PCDHA3: variants seen among roughly 807,000 people sequenced by gnomAD.
PCDHA3 encodes protocadherin alpha-3.
A neutral mutation model predicts 62.2 loss-of-function variants in PCDHA3; 41 were observed. That is an observed-to-expected ratio of 0.66 (90% CI 0.51 to 0.86). The LOEUF (loss-of-function observed/expected upper bound fraction) is 0.86. Ranked by LOEUF, PCDHA3 falls within the 40% of genes least tolerant of loss-of-function variation. The pLI is 0.00. For missense variants in PCDHA3, 1,304 were observed against 1,241.2 expected, an observed-to-expected ratio of 1.05 and a Z score of -0.76; for synonymous variants, 640 against 555.4, an observed-to-expected ratio of 1.15 and a Z score of -2.14.
chr5:140,807,519 A>T (rs1763955362), intron 1 of PCDHA3: 2 of 1,614,094 alleles, frequency 1.2e-6, no homozygotes, highest in African/African-American at 2.7e-5. Flanking sequence ...GTGATCGTAG[A>T]CAGGCCGCTG....
chr5:140,924,293 C>T (rs2081770008), intron 1 of PCDHA3, among the ~76,000 whole-genome samples: 1 of 152,192 alleles, frequency 6.6e-6, no homozygotes, highest in African/African-American at 2.4e-5. Context: ...AATAGGCTGA[C>T]ATGTTTCCTC....
rs78358581 is a variant in PCDHA3 at position 140,924,264 on chromosome 5, T to G, written c.2395-54685T>G. 2.9e-3 allele frequency among the ~76,000 whole-genome samples: 442 copies of G among 152,342 alleles called. 1 individual carries two copies. Among genetic ancestry groups the G allele is most frequent in the African/African-American group, 0.01 (423 of 41,584 alleles). On this transcript the variant is annotated intron_variant, in intron 1 of 3. Coordinates refer to ENST00000522353, the MANE Select transcript of PCDHA3 (RefSeq NM_018906.3). Reference sequence around the variant, plus strand: ...TGCATCCTGGTGAGATCTAATGAGGTCTGTACTTGTGACTACCTAATAGGC... The same window carrying G: ...TGCATCCTGGTGAGATCTAATGAGGGCTGTACTTGTGACTACCTAATAGGC...
intron 2 of PCDHA3, 71 bp downstream of exon 2, chr5:140,979,078 A>C (rs2240296): frequency 3.8e-6 from 6 of 1,583,342 alleles, no homozygotes; most frequent in South Asian, 1.1e-5. Flanking sequence ...CTGCATCTCC[A>C]TAGGCCAGAA....
chr5:140,993,342 C>T (rs1554253606), intron 3 of PCDHA3, among the ~76,000 whole-genome samples: 1 of 151,994 alleles, frequency 6.6e-6, no homozygotes, highest in African/African-American at 2.4e-5. Flanking sequence ...TTGAAGGGCA[C>T]TACGAAGATC....
chr5:141,006,361 A>G (rs1384420854), intron 3 of PCDHA3, among the ~76,000 whole-genome samples: 3 of 151,846 alleles, frequency 2.0e-5, no homozygotes, highest in African/African-American at 7.3e-5. Context: ...ATAGGCGCCC[A>G]CCACCACGCC....
At chr5:140,973,328 C>T (rs1315251124) in intron 1 of PCDHA3, among the ~76,000 whole-genome samples, 1 of 152,114 alleles carries the variant, frequency 6.6e-6, no homozygotes, top group Non-Finnish European at 1.5e-5. Flanking sequence ...AGTTTACACT[C>T]GTTGTAAAGT....
chr5:140,849,809 G>C (rs147465571), intron 1 of PCDHA3: 14 of 1,598,384 alleles, frequency 8.8e-6, no homozygotes, highest in East Asian at 2.2e-5. Context: ...TGTGGGCCAC[G>C]GCCAGGGTGT....
At chr5:140,836,651 G>C in intron 1 of PCDHA3, 2 of 1,613,546 alleles carry the variant, frequency 1.2e-6, no homozygotes, top group Non-Finnish European at 1.7e-6. Context: ...AGAGGCGGCA[G>C]AGGGTGTGCT....
chr5:140,855,412 A>T (rs2043457321), intron 1 of PCDHA3, among the ~76,000 whole-genome samples: 1 of 149,990 alleles, frequency 6.7e-6, no homozygotes, highest in South Asian at 2.1e-4. Context: ...GAAGCTAATG[A>T]TCTCTAAATT....
intron 1 of PCDHA3, among the ~76,000 whole-genome samples, chr5:140,890,775 C>T (rs1583027889): frequency 1.3e-5 from 2 of 152,158 alleles, no homozygotes; most frequent in East Asian, 3.9e-4. Context: ...TTTAAAACCC[C>T]ATAAGATATT....
At chr5:140,949,371 C>G (rs932971788) in intron 1 of PCDHA3, among the ~76,000 whole-genome samples, 1 of 151,712 alleles carries the variant, frequency 6.6e-6, no homozygotes, top group African/African-American at 2.4e-5. Flanking sequence ...GTCTAGTTGT[C>G]CTATCAATTG....
At chr5:140,822,177 A>G (rs2150114373) in intron 1 of PCDHA3, 1 of 1,614,280 alleles carries the variant, frequency 6.2e-7, no homozygotes, top group East Asian at 2.2e-5. Flanking sequence ...GGTTCTCCAG[A>G]CAAGAACAAA....
At chr5:140,888,277 C>G (rs923275306) in intron 1 of PCDHA3, among the ~76,000 whole-genome samples, 1 of 151,972 alleles carries the variant, frequency 6.6e-6, no homozygotes, top group Non-Finnish European at 1.5e-5. Context: ...ACAGTTTTGT[C>G]CCCTCTACCC....
intron 2 of PCDHA3, among the ~76,000 whole-genome samples, chr5:140,979,710 A>C (rs1178718053): frequency 1.3e-5 from 2 of 152,268 alleles, no homozygotes; most frequent in African/African-American, 4.8e-5. Flanking sequence ...GAGGTGATCC[A>C]GTATCCATGC....
intron 1 of PCDHA3, among the ~76,000 whole-genome samples, chr5:140,962,257 A>C (rs915555866): frequency 6.6e-6 from 1 of 152,174 alleles, no homozygotes; most frequent in Admixed American, 6.5e-5. Context: ...AATGAAAAAT[A>C]ATTTTATAAT....
chr5:140,941,169 C>T (rs1283079666), intron 1 of PCDHA3, among the ~76,000 whole-genome samples: 1 of 145,950 alleles, frequency 6.9e-6, no homozygotes, highest in Admixed American at 6.9e-5. Flanking sequence ...GACTCCCCAT[C>T]TTGAACATCC....
chr5:140,942,590 A>G (rs868979857), intron 1 of PCDHA3, among the ~76,000 whole-genome samples: 1 of 148,658 alleles, frequency 6.7e-6, no homozygotes, highest in Admixed American at 6.8e-5. Context: ...GATGTCACAT[A>G]TAATTATAGT....
At chr5:140,846,383 T>C (rs1416297479) in intron 1 of PCDHA3, among the ~76,000 whole-genome samples, 1 of 137,386 alleles carries the variant, frequency 7.3e-6, no homozygotes, top group African/African-American at 2.6e-5. Flanking sequence ...CTTTTTTTTT[T>C]TTTTTTTTTG....
At chr5:140,996,094 T>C (rs1428375932) in intron 3 of PCDHA3, among the ~76,000 whole-genome samples, 1 of 152,192 alleles carries the variant, frequency 6.6e-6, no homozygotes, top group Non-Finnish European at 1.5e-5. Flanking sequence ...CTAGATTACA[T>C]GGAATGGTAT....
Sources: gnomAD v4.1 joint callset for allele counts (sites outside exome capture counted in the v4.1 genomes callset) on GRCh38, gnomAD v4.1.1 for gene constraint, MANE v1.5 for transcripts, NCBI Gene and HGNC (gene_info 2026-07-23, HGNC 2026-07-21) for gene names.